The following TMEM213 variants were observed in gnomAD, a reference collection of about 807,000 sequenced individuals.
TMEM213 encodes transmembrane protein 213.
A neutral mutation model predicts 11.6 loss-of-function variants in TMEM213; 7 were observed. The ratio of observed to expected loss-of-function variants is 0.60; its 90% CI spans 0.34 to 1.13. TMEM213 has a LOEUF of 1.13. TMEM213 is among the 50% of genes most tolerant of loss of function. The pLI is 0.03. For missense variants in TMEM213, 129 were observed against 139.0 expected, an observed-to-expected ratio of 0.93 and a Z score of 0.36; for synonymous variants, 60 against 58.3, an observed-to-expected ratio of 1.03 and a Z score of -0.13.
chr7:138,801,571 C>G, intron 2 of TMEM213, 173 bp downstream of exon 2: 1 of 628,926 alleles, frequency 1.6e-6, no homozygotes, highest in East Asian at 2.8e-5. Context: ...GTCTGAAAGG[C>G]TTTCTTGGCT....
Position 138,801,381 on chromosome 7 carries a change from C to T in TMEM213, c.137C>T (p.Thr46Ile). Residue 46 changes from threonine to isoleucine, a missense_variant, in exon 2 of 3, where the codon ACC becomes ATC. By Grantham distance (89) the Thr-to-Ile change is moderately conservative. Coordinates refer to ENST00000442682, the MANE Select transcript of TMEM213 (RefSeq NM_001085429.2). ...ACCGCTCACCACCCAGACCCTGGGA[C>T]CCTGGAGCAGTGCCTCAGTAAGCTT... ...SLTAHHPDPG[T>I]LEQCLNVDFC... 2 of 1,610,502 alleles carry T rather than the reference C, an allele frequency of 1.2e-6. No homozygotes were observed. Among genetic ancestry groups the T allele is most frequent in the African/African-American group, 1.3e-5 (1 of 74,986 alleles).
rs957339595 is a variant in TMEM213 at position 138,803,159 on chromosome 7, A to C, written c.*90A>C. ...AGGCTAACATGGTTTCTATTATTTAAGTCATTTTCACCTTTAAGCTTCAGT... is the reference window on the plus strand; with the variant it reads ...AGGCTAACATGGTTTCTATTATTTACGTCATTTTCACCTTTAAGCTTCAGT... On this transcript the variant is annotated 3_prime_UTR_variant, in exon 3 of 3. Coordinates refer to ENST00000442682, the MANE Select transcript of TMEM213 (RefSeq NM_001085429.2). 3 of 1,428,220 alleles carry C rather than the reference A, an allele frequency of 2.1e-6. No homozygotes were observed. Among genetic ancestry groups the C allele is most frequent in the African/African-American group, 2.9e-5 (2 of 70,114 alleles). 88.5% of individuals were successfully genotyped at this position (1,428,220 alleles called of 1,614,324 possible).
intron 1 of TMEM213, among the ~76,000 whole-genome samples, chr7:138,799,042 C>T (rs1021148706): frequency 2.0e-5 from 3 of 152,144 alleles, no homozygotes; most frequent in Admixed American, 6.5e-5. Flanking sequence ...CACTCTTGAG[C>T]CGCTGAGCCT....
At chr7:138,798,940 C>G (rs1382911641) in intron 1 of TMEM213, among the ~76,000 whole-genome samples, 3 of 152,138 alleles carry the variant, frequency 2.0e-5, no homozygotes, top group East Asian at 3.9e-4. Flanking sequence ...CAAAACCAAC[C>G]CTGCCCCCAA....
At position 138,805,973 on chromosome 7, in the gene TMEM213, C is replaced by G. The variant is rs116550682; in HGVS notation, c.*2904C>G. On this transcript the variant is annotated 3_prime_UTR_variant, in exon 3 of 3. Coordinates refer to ENST00000442682, the MANE Select transcript of TMEM213 (RefSeq NM_001085429.2). Reference sequence around the variant, plus strand: ...CCGTAGATGCTTAGACTACTTTGAACTGAAGTATGTGCAGTCTGCCATCTC... The same window carrying G: ...CCGTAGATGCTTAGACTACTTTGAAGTGAAGTATGTGCAGTCTGCCATCTC... 6.6e-6 allele frequency: 1 copy of G among 151,972 alleles called. No homozygotes were observed. The highest frequency in any genetic ancestry group is 2.4e-5 in the African/African-American group (1 of 41,330). The allele number at this position is 151,972 out of a possible 1,614,324, so 9.4% of individuals were successfully genotyped here.
Position 138,806,480 on chromosome 7 carries a change from T to C in TMEM213, c.*3411T>C, listed in dbSNP as rs569937978. ...GTGAGCTATGATCTTGCCACTGCAC[T>C]CCAGCCTGGGTGACAGAGTGAGACC... On this transcript the variant is annotated 3_prime_UTR_variant, in exon 3 of 3. Coordinates refer to ENST00000442682, the MANE Select transcript of TMEM213 (RefSeq NM_001085429.2). 1 of 152,254 alleles carries C rather than the reference T, an allele frequency of 6.6e-6. No individual in the cohort carries two copies. The highest frequency in any genetic ancestry group is 2.1e-4 in the South Asian group (1 of 4,802). The allele number at this position is 152,254 out of a possible 1,614,324, so 9.4% of individuals were successfully genotyped here.
intron 1 of TMEM213, among the ~76,000 whole-genome samples, chr7:138,800,568 G>A (rs1470737299): frequency 6.6e-6 from 1 of 152,092 alleles, no homozygotes; most frequent in East Asian, 1.9e-4. Context: ...CCAAGATCAA[G>A]GTGTTGATGG....
Position 138,803,036 on chromosome 7 carries a change from G to A in TMEM213, c.291G>A (p.Leu97=). The change falls in exon 3 of 3, where the codon CTG becomes CTA. Residue 97 remains leucine (L), a synonymous_variant. Transcript: ENST00000442682. ...ILLCVDKLMK[L]TPDEPKDLQA ...TCTGTGTGGACAAACTGATGAAGCT[G>A]ACTCCAGATGAGCCCAAGGACTTGC... is the stretch of plus-strand genomic sequence containing the variant. The A allele has an allele frequency of 1.9e-6, 3 of 1,613,686 alleles. No individual in the cohort carries two copies. The highest frequency in any genetic ancestry group is 2.5e-6 in the Non-Finnish European group (3 of 1,179,870).
rs1252150038 is a variant in TMEM213 at position 138,798,118 on chromosome 7, C to T, written c.14C>T (p.Pro5Leu). The T allele has an allele frequency of 4.4e-6, 7 of 1,599,758 alleles. No homozygotes were observed. Among genetic ancestry groups the T allele is most frequent in the Non-Finnish European group, 5.1e-6 (6 of 1,173,888 alleles). The change falls in exon 1 of 3, where the codon CCC becomes CTC. Residue 5 changes from proline to leucine, a missense_variant. By Grantham distance (98) the Pro-to-Leu change is moderately conservative. Transcript: ENST00000442682. Reference sequence around the variant, plus strand: ...ACAGCCTCCAGCATGCAGCGCCTCCCCGCTGCCACCCGGGCCACCCTGATC... The same window carrying T: ...ACAGCCTCCAGCATGCAGCGCCTCCTCGCTGCCACCCGGGCCACCCTGATC... Reference protein sequence around the residue: MQRLPAATRATLILS... With the variant: MQRLLAATRATLILS...
chr7:138,798,094 C>T lies in TMEM213; in HGVS notation c.-11C>T. The T allele has an allele frequency of 1.3e-6, 2 of 1,592,496 alleles. No individual in the cohort carries two copies. Among genetic ancestry groups the T allele is most frequent in the East Asian group, 2.3e-5 (1 of 43,746 alleles). ...GCTCACCTGCACCGGGCACTCAGCACAGCCTCCAGCATGCAGCGCCTCCCC... is the reference window on the plus strand; with the variant it reads ...GCTCACCTGCACCGGGCACTCAGCATAGCCTCCAGCATGCAGCGCCTCCCC... On this transcript the variant is annotated 5_prime_UTR_variant, in exon 1 of 3. Coordinates refer to ENST00000442682, the MANE Select transcript of TMEM213 (RefSeq NM_001085429.2).
In TMEM213 at chr7:138,806,759, A is replaced by G. The variant is rs1809108713; in HGVS notation, c.*3690A>G. 1 of 152,242 alleles carries G rather than the reference A, an allele frequency of 6.6e-6. No individual in the cohort carries two copies. The highest frequency in any genetic ancestry group is 1.5e-5 in the Non-Finnish European group (1 of 68,054). 9.4% of individuals were successfully genotyped at this position (152,242 alleles called of 1,614,324 possible). The stretch of plus-strand genomic sequence containing the variant: ...TGTAGAAATAAAGTATTAAATATTA[A>G]GGTGTGGCATAATTATCTGACTTTA... On this transcript the variant is annotated 3_prime_UTR_variant, in exon 3 of 3. Coordinates refer to ENST00000442682, the MANE Select transcript of TMEM213 (RefSeq NM_001085429.2).
At chr7:138,798,570 G>A (rs887070271) in intron 1 of TMEM213, among the ~76,000 whole-genome samples, 3 of 152,078 alleles carry the variant, frequency 2.0e-5, no homozygotes, top group South Asian at 2.1e-4. Flanking sequence ...CTGGGCTGTC[G>A]TGCTTTGCAA....
intron 1 of TMEM213, among the ~76,000 whole-genome samples, chr7:138,798,918 C>T (rs1004204591): frequency 2.0e-5 from 3 of 152,138 alleles, no homozygotes; most frequent in Admixed American, 6.5e-5. Context: ...TGCCCTGCAA[C>T]ACTCCTGCTC....
intron 1 of TMEM213, among the ~76,000 whole-genome samples, chr7:138,800,512 T>C (rs933661059): frequency 4.2e-4 from 64 of 152,238 alleles, no homozygotes; most frequent in African/African-American, 1.5e-3. Flanking sequence ...CTTGCTTCTA[T>C]GATGTTTAAT....
Position 138,804,023 on chromosome 7 carries a change from C to T in TMEM213, c.*954C>T, listed in dbSNP as rs1228956422. Reference sequence around the variant, plus strand: ...CACCTCAGGTCCTTCTCCAGCTCTCCTTCTGGCTTCATCCTGTCTTCCACG... The same window carrying T: ...CACCTCAGGTCCTTCTCCAGCTCTCTTTCTGGCTTCATCCTGTCTTCCACG... On this transcript the variant is annotated 3_prime_UTR_variant, in exon 3 of 3. Coordinates refer to ENST00000442682, the MANE Select transcript of TMEM213 (RefSeq NM_001085429.2). 3.3e-5 allele frequency: 5 copies of T among 152,524 alleles called. No individual in the cohort carries two copies. The highest frequency in any genetic ancestry group is 1.2e-4 in the African/African-American group (5 of 41,452). The allele number at this position is 152,524 out of a possible 1,614,324, so 9.4% of individuals were successfully genotyped here. A position where few individuals can be genotyped will look rare whatever the true frequency, so the allele number is the denominator to read the frequency against.
At position 138,798,139 on chromosome 7, in the gene TMEM213, T is replaced by C; in HGVS notation, c.35T>C (p.Leu12Pro). The change falls in exon 1 of 3, where the codon CTG becomes CCG. Residue 12 changes from leucine to proline, a missense_variant. Physicochemically the swap from Leu to Pro is moderately conservative, Grantham distance 98 (BLOSUM62 -3). Coordinates refer to ENST00000442682, the MANE Select transcript of TMEM213 (RefSeq NM_001085429.2). ...QRLPAATRAT[L>P]ILSLAFASLH... ...CTCCCCGCTGCCACCCGGGCCACCCTGATCCTCAGCCTGGCCTTTGCCTCC... is the reference window on the plus strand; with the variant it reads ...CTCCCCGCTGCCACCCGGGCCACCCCGATCCTCAGCCTGGCCTTTGCCTCC... The C allele has an allele frequency of 6.2e-7, 1 of 1,602,004 alleles. No homozygotes were observed. The highest frequency in any genetic ancestry group is 2.3e-5 in the East Asian group (1 of 44,350).
chr7:138,803,072 C>A lies in TMEM213; in HGVS notation c.*3C>A, dbSNP rs1809000000. The A allele has an allele frequency of 1.2e-6, 2 of 1,612,232 alleles. No homozygotes were observed. The highest frequency in any genetic ancestry group is 4.5e-5 in the East Asian group (2 of 44,850). On this transcript the variant is annotated 3_prime_UTR_variant, in exon 3 of 3. Coordinates refer to ENST00000442682, the MANE Select transcript of TMEM213 (RefSeq NM_001085429.2). ...AGCCCAAGGACTTGCAAGCGTGAGACCCAGGCTCGGTGCACAAAATGGTGA... is the reference window on the plus strand; with the variant it reads ...AGCCCAAGGACTTGCAAGCGTGAGAACCAGGCTCGGTGCACAAAATGGTGA...
chr7:138,799,661 GA>G (rs1460568821), intron 1 of TMEM213: 18 of 152,164 alleles, frequency 1.2e-4, no homozygotes, highest in Non-Finnish European at 2.5e-4. Flanking sequence ...GTGTAGAGGT[GA>G]AATGAAAGTC....
chr7:138,800,705 T>TTCTTCTTCTTCTTCTTC (rs1491478661), intron 1 of TMEM213, among the ~76,000 whole-genome samples: 1 of 57,902 alleles, frequency 1.7e-5, no homozygotes, highest in African/African-American at 6.2e-5. Context: ...CTTCTTCTTC[T>TTCTTCTTCTTCTTCTTC]TTTTTTTTTT....
Sources: gnomAD v4.1 joint callset for allele counts (sites outside exome capture counted in the v4.1 genomes callset) on GRCh38, gnomAD v4.1.1 for gene constraint, MANE v1.5 for transcripts, NCBI Gene and HGNC (gene_info 2026-07-23, HGNC 2026-07-21) for gene names.